GRIP1: variants seen among roughly 807,000 people sequenced by gnomAD.
GRIP1 encodes glutamate receptor interacting protein 1.
In GRIP1, 45 loss-of-function variants were observed where a neutral mutation model predicts 129.9. That is an observed-to-expected ratio of 0.35 (90% confidence interval 0.27 to 0.44). The LOEUF (loss-of-function observed/expected upper bound fraction) is 0.44. Among genes scored for constraint, GRIP1 ranks in the 20% least tolerant of loss-of-function variants. The pLI, the probability that GRIP1 is intolerant of heterozygous loss-of-function variation, is 1.00. For synonymous variants in GRIP1, 530 were observed against 520.8 expected, an observed-to-expected ratio of 1.02 and a Z score of -0.24; for missense variants, 1,196 against 1,396.8, an observed-to-expected ratio of 0.86 and a Z score of 2.29.
chr12:66,711,296 C>A lies in GRIP1; in HGVS notation c.-419-80960G>T, dbSNP rs866572591. On this transcript the variant is annotated intron_variant, in intron 1 of 4. Transcript: ENST00000538373. ...AAAACAAACTTCTTAAAAATGAATT[C>A]GTAATTGATGCATGTCAGTTGTCAT... Among the ~76,000 whole-genome samples the A allele has an allele frequency of 2.0e-5, 3 of 151,972 alleles. No homozygotes were observed. In the South Asian group the frequency reaches 6.2e-4, roughly 32 times the overall value.
At chr12:66,405,178 A>G (rs2057147829) in intron 16 of GRIP1, among the ~76,000 whole-genome samples, 2 of 152,226 alleles carry the variant, frequency 1.3e-5, no homozygotes, top group Admixed American at 1.3e-4. Flanking sequence ...AAACCAAACC[A>G]AACCAAAATA....
At position 66,875,334 on chromosome 12, in the gene GRIP1, T is replaced by C. The variant is rs759002205; in HGVS notation, c.58+193716A>G. On this transcript the variant is annotated intron_variant, in intron 1 of 1. Transcript: ENST00000643019. Reference sequence around the variant, plus strand: ...ACCATCAAAATATGTAAATTTGAGCTAGGTTTCCAGAAATGATTCTTGATT... The same window carrying C: ...ACCATCAAAATATGTAAATTTGAGCCAGGTTTCCAGAAATGATTCTTGATT... Among the ~76,000 whole-genome samples, 14 of 152,240 alleles carry C rather than the reference T, an allele frequency of 9.2e-5. 1 individual carries two copies. The highest frequency in any genetic ancestry group is 2.1e-4 in the South Asian group (1 of 4,824).
Position 66,348,398 on chromosome 12 carries a change from C to T in GRIP1, c.*621G>A, listed in dbSNP as rs1388674764. On this transcript the variant is annotated 3_prime_UTR_variant, in exon 25 of 25. Coordinates refer to ENST00000359742, the MANE Select transcript of GRIP1 (RefSeq NM_001366722.1). ...TGATAATTTGTTGCATAGGGAATAG[C>T]ATACATCTTAGTTAAAATCATTCCT... 6.5e-6 allele frequency: 1 copy of T among 154,400 alleles called. No homozygotes were observed. Among genetic ancestry groups the T allele is most frequent in the Non-Finnish European group, 1.4e-5 (1 of 69,552 alleles). 9.6% of individuals were successfully genotyped at this position (154,400 alleles called of 1,614,324 possible).
rs577188268 is a variant in GRIP1 at position 66,459,143 on chromosome 12, T to C, written c.1043-2801A>G. Among the ~76,000 whole-genome samples, 26 of 152,348 alleles carry C rather than the reference T, an allele frequency of 1.7e-4. 1 individual carries two copies. Among genetic ancestry groups the C allele is most frequent in the South Asian group, 1.2e-3 (6 of 4,828 alleles). Reference sequence around the variant, plus strand: ...AAATATATCCTAGCAACTAGAACAGTGCCTGGTATATAATGACTAATACAT... The same window carrying C: ...AAATATATCCTAGCAACTAGAACAGCGCCTGGTATATAATGACTAATACAT... On this transcript the variant is annotated intron_variant, in intron 9 of 24. Transcript: ENST00000359742.
intron 7 of GRIP1, among the ~76,000 whole-genome samples, chr12:66,491,060 C>A (rs2060091518): frequency 6.6e-6 from 1 of 152,150 alleles, no homozygotes; most frequent in African/African-American, 2.4e-5. Flanking sequence ...GGCAATTCCT[C>A]AAAGACCTAG....
chr12:66,747,793 C>G (rs1219588946), intron 1 of GRIP1, among the ~76,000 whole-genome samples: 1 of 152,038 alleles, frequency 6.6e-6, no homozygotes, highest in African/African-American at 2.4e-5. Context: ...TACAGAGTGT[C>G]TGGCTCAATA....
chr12:66,876,483 G>A (rs1335399478), intron 1 of GRIP1, among the ~76,000 whole-genome samples: 2 of 151,998 alleles, frequency 1.3e-5, no homozygotes, highest in African/African-American at 4.8e-5. Flanking sequence ...AAAACCCCAG[G>A]CAGTCTTATT....
chr12:66,411,793 C>T (rs373945298), intron 15 of GRIP1, among the ~76,000 whole-genome samples: 3 of 152,276 alleles, frequency 2.0e-5, no homozygotes, highest in African/African-American at 7.2e-5. Flanking sequence ...CATAAATGAC[C>T]TTATGGAGCT....
chr12:66,798,097 T>C (rs1010537481), intron 1 of GRIP1, among the ~76,000 whole-genome samples: 50 of 152,156 alleles, frequency 3.3e-4, no homozygotes, highest in Non-Finnish European at 2.1e-4. Flanking sequence ...TGATGACCAC[T>C]ACATCATGCA....
chr12:66,906,283 A>C (rs1447254778), intron 1 of GRIP1, among the ~76,000 whole-genome samples: 1 of 151,650 alleles, frequency 6.6e-6, no homozygotes, highest in Non-Finnish European at 1.5e-5. Flanking sequence ...ACAAACAAAA[A>C]AATTAGCTGG....
chr12:66,829,567 C>T (rs570183182), intron 1 of GRIP1, among the ~76,000 whole-genome samples: 2 of 152,274 alleles, frequency 1.3e-5, no homozygotes, highest in Admixed American at 6.5e-5. Context: ...CAGGAAAAGA[C>T]ACTGTGTCTC....
intron 1 of GRIP1, among the ~76,000 whole-genome samples, chr12:66,785,613 CA>C (rs1468016539): frequency 6.6e-6 from 1 of 151,862 alleles, no homozygotes; most frequent in Non-Finnish European, 1.5e-5. Flanking sequence ...TATACTTAGC[CA>C]AATGTAGTAA....
intron 1 of GRIP1, among the ~76,000 whole-genome samples, chr12:66,668,879 G>A (rs1374790145): frequency 6.6e-6 from 1 of 152,128 alleles, no homozygotes; most frequent in East Asian, 1.9e-4. Flanking sequence ...GGGCCTGGGA[G>A]GATGAGGCTG....
intron 1 of GRIP1, among the ~76,000 whole-genome samples, chr12:66,989,997 G>A (rs537627903): frequency 1.3e-5 from 2 of 152,216 alleles, no homozygotes; most frequent in African/African-American, 4.8e-5. Flanking sequence ...TAAAATAAAT[G>A]AAAGTGTTAA....
chr12:66,560,406 T>C (rs1330407243), intron 2 of GRIP1, among the ~76,000 whole-genome samples: 1 of 152,100 alleles, frequency 6.6e-6, no homozygotes, highest in Non-Finnish European at 1.5e-5. Context: ...GAGAAAATAT[T>C]TGTAAACTAT....
At chr12:66,525,354 T>G (rs2061189499) in intron 5 of GRIP1, among the ~76,000 whole-genome samples, 2 of 151,820 alleles carry the variant, frequency 1.3e-5, no homozygotes, top group Admixed American at 1.3e-4. Flanking sequence ...GCTTCATCCC[T>G]GGGATGCAAG....
chr12:66,598,431 A>G (rs572225095), intron 1 of GRIP1, among the ~76,000 whole-genome samples: 3 of 152,346 alleles, frequency 2.0e-5, no homozygotes, highest in South Asian at 2.1e-4. Context: ...TACCAATTCA[A>G]TCAATATCGC....
intron 1 of GRIP1, among the ~76,000 whole-genome samples, chr12:66,845,966 C>A (rs183685430): frequency 5.7e-4 from 87 of 152,288 alleles, no homozygotes; most frequent in Admixed American, 7.2e-4. Flanking sequence ...TTCCATTAAA[C>A]TGGAATATTC....
At chr12:67,049,357 T>C (rs1432400804) in intron 1 of GRIP1, among the ~76,000 whole-genome samples, 1 of 152,142 alleles carries the variant, frequency 6.6e-6, no homozygotes, top group Admixed American at 6.6e-5. Context: ...TTGGCACATA[T>C]ACACCATGGA....
Sources: gnomAD v4.1 joint callset for allele counts (sites outside exome capture counted in the v4.1 genomes callset) on GRCh38, gnomAD v4.1.1 for gene constraint, MANE v1.5 for transcripts, NCBI Gene and HGNC (gene_info 2026-07-23, HGNC 2026-07-21) for gene names.